MYRIP: variants seen among roughly 807,000 people sequenced by gnomAD.
MYRIP encodes the protein myosin VIIA and Rab interacting protein.
In MYRIP, 49 loss-of-function variants were observed where a neutral mutation model predicts 98.0. That is an observed-to-expected ratio of 0.50 (90% CI 0.40 to 0.63). MYRIP has a LOEUF of 0.63. Ranked by LOEUF, MYRIP falls within the 30% of genes least tolerant of loss-of-function variation. The pLI, the probability that MYRIP is intolerant of heterozygous loss-of-function variation, is 0.00. For synonymous variants in MYRIP, 404 were observed against 409.5 expected (o/e 0.99, Z 0.16); for missense variants, 1,004 against 1,058.2 (o/e 0.95, Z 0.71).
intron 3 of MYRIP, among the ~76,000 whole-genome samples, chr3:40,121,385 T>C (rs1373680250): frequency 6.6e-6 from 1 of 152,148 alleles, no homozygotes; most frequent in Non-Finnish European, 1.5e-5. Context: ...CCCACCCCTT[T>C]CTGGCAAGCA....
intron 2 of MYRIP, among the ~76,000 whole-genome samples, chr3:39,976,595 CAT>C (rs891500267): frequency 6.6e-6 from 1 of 152,146 alleles, no homozygotes. Flanking sequence ...CACATGCACA[CAT>C]ATGTTTATTG....
chr3:39,894,158 A>G lies in MYRIP; in HGVS notation c.-30-6629A>G, dbSNP rs538930315. Among the ~76,000 whole-genome samples, 4 of 152,306 alleles carry G rather than the reference A, an allele frequency of 2.6e-5. No homozygotes were observed. The South Asian group carries it at 8.3e-4, about 32-fold the overall frequency. On this transcript the variant is annotated intron_variant, in intron 1 of 16. Transcript: ENST00000302541. ...TGTACTATTCATACTATATTATTTT[A>G]CTTCTTATTGAGCCATGACATGCAT... is the stretch of plus-strand genomic sequence containing the variant.
intron 3 of MYRIP, among the ~76,000 whole-genome samples, chr3:40,093,877 T>A (rs1458982383): frequency 6.6e-6 from 1 of 152,198 alleles, no homozygotes; most frequent in Non-Finnish European, 1.5e-5. Context: ...CAGAACTCCA[T>A]AACATCCAAT....
chr3:40,148,174 T>C (rs192713499), intron 3 of MYRIP, among the ~76,000 whole-genome samples: 227 of 152,342 alleles, frequency 1.5e-3, no homozygotes, highest in Non-Finnish European at 1.3e-3. Context: ...TTGCAAAGTA[T>C]TATTTTTTTC....
intron 2 of MYRIP, among the ~76,000 whole-genome samples, chr3:39,982,502 G>A (rs1006850645): frequency 6.6e-6 from 1 of 152,088 alleles, no homozygotes; most frequent in African/African-American, 2.4e-5. Context: ...ATAAATGCTC[G>A]ATGACCTTGA....
At chr3:40,216,721 A>T (rs1008391905) in intron 11 of MYRIP, among the ~76,000 whole-genome samples, 8 of 152,146 alleles carry the variant, frequency 5.3e-5, no homozygotes, top group African/African-American at 1.9e-4. Flanking sequence ...TGGGGGGAAA[A>T]CCCTCTCAGT....
At chr3:39,956,711 A>C (rs1945172909) in intron 2 of MYRIP, among the ~76,000 whole-genome samples, 1 of 149,428 alleles carries the variant, frequency 6.7e-6, no homozygotes, top group Non-Finnish European at 1.5e-5. Context: ...AGACACAAAA[A>C]ACCCTTCAAA....
chr3:40,201,510 C>T (rs543364014), intron 10 of MYRIP, among the ~76,000 whole-genome samples: 8 of 152,208 alleles, frequency 5.3e-5, no homozygotes, highest in African/African-American at 1.9e-4. Context: ...ATAAGCCTTC[C>T]AGATGACATC....
At chr3:40,023,482 C>T (rs923203568) in intron 2 of MYRIP, among the ~76,000 whole-genome samples, 1 of 146,494 alleles carries the variant, frequency 6.8e-6, no homozygotes, top group Non-Finnish European at 1.5e-5. Context: ...AGTAGGATCC[C>T]ACAAGCCTGC....
chr3:40,244,488 C>A lies in MYRIP; in HGVS notation c.2143C>A (p.Leu715Met). 1 of 1,613,908 alleles carries A rather than the reference C, an allele frequency of 6.2e-7. No individual in the cohort carries two copies. Among genetic ancestry groups the A allele is most frequent in the African/African-American group, 1.3e-5 (1 of 75,010 alleles). Residue 715 changes from leucine (L) to methionine (M), a missense_variant, in exon 13 of 17, where the codon CTG (leucine) becomes ATG (methionine). Leu to Met is a conservative substitution (Grantham distance 15). Coordinates refer to ENST00000302541, the MANE Select transcript of MYRIP (RefSeq NM_015460.4). ...AGTVYGLETQ[L>M]TELEDAARCI... ...CACTGTGTATGGACTGGAGACCCAG[C>A]TGACTGAGCTAGAAGATGCCGCCCG...
At chr3:40,110,650 G>A (rs1559404752) in intron 3 of MYRIP, among the ~76,000 whole-genome samples, 2 of 152,098 alleles carry the variant, frequency 1.3e-5, no homozygotes, top group Admixed American at 6.5e-5. Context: ...TGGGCACCCT[G>A]TGTCCTCTGA....
intron 9 of MYRIP, among the ~76,000 whole-genome samples, chr3:40,188,607 G>T (rs570068426): frequency 5.9e-5 from 9 of 152,036 alleles, no homozygotes; most frequent in African/African-American, 1.7e-4. Flanking sequence ...GTTAAACCCC[G>T]CCTCTACTAA....
intron 3 of MYRIP, among the ~76,000 whole-genome samples, chr3:40,093,535 G>T (rs1014792530): frequency 6.6e-6 from 1 of 152,176 alleles, no homozygotes; most frequent in Non-Finnish European, 1.5e-5. Flanking sequence ...GCTATGCAGG[G>T]TCATTCTAAG....
chr3:40,150,963 G>T, intron 3 of MYRIP, 85 bp from the exon 4 acceptor site: 7 of 1,260,992 alleles, frequency 5.6e-6, no homozygotes, highest in Non-Finnish European at 7.5e-6. Context: ...CATCTTGATG[G>T]ATGGAGCTGT....
At chr3:39,999,180 G>T (rs976645959) in intron 2 of MYRIP, among the ~76,000 whole-genome samples, 2 of 152,166 alleles carry the variant, frequency 1.3e-5, no homozygotes, top group Non-Finnish European at 2.9e-5. Flanking sequence ...TGACAAATGG[G>T]TTCTAATTAA....
chr3:39,912,283 T>C (rs1944041021), intron 2 of MYRIP, among the ~76,000 whole-genome samples: 3 of 152,220 alleles, frequency 2.0e-5, no homozygotes, highest in Admixed American at 2.0e-4. Context: ...GATATGGTGA[T>C]GTGCCCAGTA....
intron 5 of MYRIP, among the ~76,000 whole-genome samples, chr3:40,164,601 T>A (rs1218452728): frequency 6.6e-6 from 1 of 152,216 alleles, no homozygotes; most frequent in African/African-American, 2.4e-5. Flanking sequence ...TAGTGTTTGA[T>A]TAAATAACTG....
At chr3:40,248,429 T>G (rs920025346) in intron 13 of MYRIP, 1 of 152,244 alleles carries the variant, frequency 6.6e-6, no homozygotes, top group Non-Finnish European at 1.5e-5. Context: ...GCTGAATTGG[T>G]CATCCCCTTC....
rs1950518730 is a variant in MYRIP at position 40,167,217 on chromosome 3, T to C, written c.707T>C (p.Leu236Pro). The C allele has an allele frequency of 6.2e-7, 1 of 1,614,076 alleles. No individual in the cohort carries two copies. The highest frequency in any genetic ancestry group is 1.7e-5 in the Admixed American group (1 of 60,012). The change falls in exon 7 of 17, where the codon CTG becomes CCG. Residue 236 changes from leucine (L) to proline (P), a missense_variant. Leu to Pro is a moderately conservative substitution (Grantham distance 98). Around this residue, in one of 3 missense-constraint regions of MYRIP, gnomAD observed 880 missense variants for 907.7 expected, o/e 0.97. Transcript: ENST00000302541. The part of the protein sequence containing the change: ...RDHKEELTEE[L>P]ATTILQKIIR... Reference sequence around the variant, plus strand: ...CACAAGGAGGAGCTAACTGAGGAACTGGCCACGACAATCCTGCAGAAGGTA... The same window carrying C: ...CACAAGGAGGAGCTAACTGAGGAACCGGCCACGACAATCCTGCAGAAGGTA...
Sources: gnomAD v4.1 joint callset for allele counts (sites outside exome capture counted in the v4.1 genomes callset) on GRCh38, gnomAD v4.1.1 for gene constraint, gnomAD v4.1.1 regional missense constraint, MANE v1.5 for transcripts, NCBI Gene and HGNC (gene_info 2026-07-23, HGNC 2026-07-21) for gene names.